The following CMSS1 variants were observed in gnomAD, a reference collection of about 807,000 sequenced individuals.
CMSS1 encodes protein CMSS1.
A neutral mutation model predicts 43.5 loss-of-function variants in CMSS1; 33 were observed. The observed-to-expected ratio is 0.76, with a 90% CI of 0.57 to 1.01. The LOEUF (loss-of-function observed/expected upper bound fraction) is 1.01, where lower values mean the gene tolerates loss of function less well. Ranked by LOEUF, CMSS1 falls within the 50% of genes least tolerant of loss-of-function variation. The pLI, the probability that CMSS1 is intolerant of heterozygous loss-of-function variation, is 0.00. For missense variants in CMSS1, 313 were observed against 326.4 expected (o/e 0.96, Z 0.32); for synonymous variants, 115 against 117.2 (o/e 0.98, Z 0.12).
chr3:99,822,135 A>G (rs1003015101), intron 1 of CMSS1, among the ~76,000 whole-genome samples: 1 of 152,206 alleles, frequency 6.6e-6, no homozygotes, highest in South Asian at 2.1e-4. Context: ...TTTCAATGAC[A>G]TACCTATTAA....
At chr3:100,137,309 C>A (rs751565890) in intron 1 of CMSS1, among the ~76,000 whole-genome samples, 2 of 152,170 alleles carry the variant, frequency 1.3e-5, no homozygotes, top group African/African-American at 4.8e-5. Flanking sequence ...GAACTTCCCC[C>A]ACAAAATGAT....
chr3:99,930,161 T>G, intron 1 of CMSS1: 1 of 746,786 alleles, frequency 1.3e-6, no homozygotes, highest in Admixed American at 2.8e-5. Context: ...TTTTCACACT[T>G]TTATAAAAGG....
chr3:100,061,875 G>A (rs2065572340), intron 1 of CMSS1, among the ~76,000 whole-genome samples: 1 of 151,904 alleles, frequency 6.6e-6, no homozygotes, highest in Non-Finnish European at 1.5e-5. Flanking sequence ...CATTTATTGT[G>A]GTAAAATATA....
chr3:99,948,595 A>G (rs1422431316), intron 1 of CMSS1, among the ~76,000 whole-genome samples: 1 of 143,168 alleles, frequency 7.0e-6, no homozygotes, highest in Non-Finnish European at 1.5e-5. Context: ...AGGGAGAGAG[A>G]AAGAGAGGGG....
In CMSS1 at chr3:100,085,793, G is replaced by A. The variant is rs1334344513; in HGVS notation, c.65-61180G>A. 2.6e-5 allele frequency among the ~76,000 whole-genome samples: 4 copies of A among 152,200 alleles called. No individual in the cohort carries two copies. The East Asian group carries it at 5.8e-4, about 22-fold the overall frequency. ...CCTCCTAAGTGGCCAAATAAAAGAA[G>A]TTACATATGTCTTTTATTCACTCTG... On this transcript the variant is annotated intron_variant, in intron 1 of 9. Transcript: ENST00000421999.
chr3:100,122,046 G>T (rs1338476905), intron 1 of CMSS1, among the ~76,000 whole-genome samples: 1 of 152,108 alleles, frequency 6.6e-6, no homozygotes, highest in Non-Finnish European at 1.5e-5. Flanking sequence ...TAAGAATTAT[G>T]CAAGGAAGCA....
chr3:99,846,683 A>T (rs985476710), intron 1 of CMSS1, among the ~76,000 whole-genome samples: 3 of 152,224 alleles, frequency 2.0e-5, no homozygotes, highest in African/African-American at 7.2e-5. Flanking sequence ...TCACCATGGA[A>T]GTGTTTCTGT....
At chr3:100,091,113 G>A (rs895515409) in intron 1 of CMSS1, among the ~76,000 whole-genome samples, 5 of 151,126 alleles carry the variant, frequency 3.3e-5, no homozygotes, top group Non-Finnish European at 7.4e-5. Flanking sequence ...GTGAAACCCC[G>A]TCTCTACTAA....
intron 1 of CMSS1, chr3:99,875,977 T>A: frequency 1.2e-6 from 1 of 838,054 alleles, no homozygotes; most frequent in Admixed American, 6.2e-5. Flanking sequence ...CAGTTTGTGA[T>A]GCTGAGACAG....
At chr3:100,091,189 G>A (rs1382497760) in intron 1 of CMSS1, among the ~76,000 whole-genome samples, 2 of 151,718 alleles carry the variant, frequency 1.3e-5, no homozygotes, top group African/African-American at 4.8e-5. Flanking sequence ...GGAGGCTGAG[G>A]CAGGAGAATG....
At chr3:100,014,464 T>G (rs533440178) in intron 1 of CMSS1, among the ~76,000 whole-genome samples, 1 of 152,136 alleles carries the variant, frequency 6.6e-6, no homozygotes. Flanking sequence ...CCACCAACAG[T>G]GTATAAGAGT....
intron 2 of CMSS1, among the ~76,000 whole-genome samples, chr3:100,158,743 T>G (rs2066997530): frequency 6.6e-6 from 1 of 152,244 alleles, no homozygotes; most frequent in South Asian, 2.1e-4. Flanking sequence ...CAGAATTACA[T>G]TTTTATTTTT....
intron 5 of CMSS1, among the ~76,000 whole-genome samples, chr3:100,166,628 A>G (rs2067068420): frequency 6.6e-6 from 1 of 152,210 alleles, no homozygotes; most frequent in South Asian, 2.1e-4. Flanking sequence ...AGGAAGATGG[A>G]CTATGTGATA....
At chr3:99,987,026 C>T (rs182457890) in intron 1 of CMSS1, among the ~76,000 whole-genome samples, 275 of 151,022 alleles carry the variant, frequency 1.8e-3, no homozygotes, top group African/African-American at 6.4e-3. Context: ...CCCAGGAGTT[C>T]GAGACCAGCC....
At chr3:99,984,606 C>T (rs960170041) in intron 1 of CMSS1, among the ~76,000 whole-genome samples, 8 of 152,176 alleles carry the variant, frequency 5.3e-5, no homozygotes, top group Non-Finnish European at 1.0e-4. Flanking sequence ...CCAAAATTTC[C>T]CCCTTCAAGT....
intron 1 of CMSS1, among the ~76,000 whole-genome samples, chr3:100,042,020 A>G (rs6807176): frequency 0.21 from 32,427 of 152,040 alleles, 3,591 homozygotes; most frequent in South Asian, 0.26. Context: ...TTTATTTCAT[A>G]TATGCCCCCT....
intron 1 of CMSS1, among the ~76,000 whole-genome samples, chr3:100,054,000 G>A (rs1435123217): frequency 6.6e-6 from 1 of 152,108 alleles, no homozygotes; most frequent in Non-Finnish European, 1.5e-5. Flanking sequence ...CTGGACATTC[G>A]GCTTACTTAA....
chr3:100,069,461 G>A (rs1162423598), intron 1 of CMSS1, among the ~76,000 whole-genome samples: 1 of 152,114 alleles, frequency 6.6e-6, no homozygotes, highest in Non-Finnish European at 1.5e-5. Context: ...GGCTGGTTGT[G>A]TGTTCCAGAC....
intron 1 of CMSS1, among the ~76,000 whole-genome samples, chr3:99,988,118 C>A (rs1433027818): frequency 6.6e-6 from 1 of 151,944 alleles, no homozygotes; most frequent in Non-Finnish European, 1.5e-5. Flanking sequence ...GTTTCAATAA[C>A]TTTTTTTTCT....
Sources: allele counts gnomAD v4.1 joint callset (sites outside exome capture counted in the v4.1 genomes callset), GRCh38; gene constraint gnomAD v4.1.1; transcripts MANE v1.5; gene names NCBI Gene and HGNC (gene_info 2026-07-23, HGNC 2026-07-21).